SCD: variants seen among roughly 807,000 people sequenced by gnomAD.
SCD encodes acyl-CoA desaturase.
Under a neutral mutation model 35.7 loss-of-function variants are expected in SCD, and 4 were observed. The observed-to-expected ratio is 0.11, with a 90% CI of 0.06 to 0.26. SCD has a LOEUF of 0.26. Among genes scored for constraint, SCD ranks in the 10% least tolerant of loss-of-function variants. The pLI is 1.00. For synonymous variants in SCD, 150 were observed against 170.2 expected (o/e 0.88, Z 0.92); for missense variants, 282 against 460.7 (o/e 0.61, Z 3.55).
chr10:100,347,683 G>A, intron 1 of SCD, 152 bp downstream of exon 1: 1 of 854,730 alleles, frequency 1.2e-6, no homozygotes, highest in South Asian at 1.7e-5. Flanking sequence ...TGGGAATGTG[G>A]ATTGTAATTT....
Position 100,352,547 on chromosome 10 carries a change from C to A in SCD, c.441+51C>A. ...TTTGTCCTCCACACTATTAATGATCCGGGGACAGAAAGGAGGGATCAGCAC... is the reference window on the plus strand; with the variant it reads ...TTTGTCCTCCACACTATTAATGATCAGGGGACAGAAAGGAGGGATCAGCAC... On this transcript the variant is annotated intron_variant, in intron 3 of 5. Coordinates refer to ENST00000370355, the MANE Select transcript of SCD (RefSeq NM_005063.5). The surrounding 1 kb of genome is among the most constrained non-coding windows in gnomAD (Gnocchi z 4.2). 1 of 1,578,382 alleles carries A rather than the reference C, an allele frequency of 6.3e-7. No homozygotes were observed. Among genetic ancestry groups the A allele is most frequent in the Non-Finnish European group, 8.7e-7 (1 of 1,155,720 alleles).
At position 100,348,152 on chromosome 10, in the gene SCD, C is replaced by T; in HGVS notation, c.116C>T (p.Pro39Leu). ...QNGGDKLETM[P>L]LYLEDDIRPD... ...GGAGGAGATAAGTTGGAGACGATGCCCCTCTACTTGGAAGACGACATTCGC... is the reference window on the plus strand; with the variant it reads ...GGAGGAGATAAGTTGGAGACGATGCTCCTCTACTTGGAAGACGACATTCGC... Residue 39 changes from proline (P) to leucine (L), a missense_variant, in exon 2 of 6, where the codon CCC becomes CTC. This residue lies in a region of SCD where 77 missense variants were observed against 88.4 expected (regional missense o/e 0.87). Coordinates refer to ENST00000370355, the MANE Select transcript of SCD (RefSeq NM_005063.5). The T allele has an allele frequency of 6.2e-7, 1 of 1,613,798 alleles. No individual in the cohort carries two copies. The highest frequency in any genetic ancestry group is 8.5e-7 in the Non-Finnish European group (1 of 1,179,842).
At chr10:100,351,635 G>T (rs1849873598) in intron 2 of SCD, among the ~76,000 whole-genome samples, 1 of 152,058 alleles carries the variant, frequency 6.6e-6, no homozygotes, top group Non-Finnish European at 1.5e-5. Context: ...TGCCCAGATT[G>T]TACTGGCTGT....
Position 100,362,441 on chromosome 10 carries a change from G to T in SCD, c.*1508G>T, listed in dbSNP as rs1197968186. 1 of 152,162 alleles carries T rather than the reference G, an allele frequency of 6.6e-6. No individual in the cohort carries two copies. Among genetic ancestry groups the T allele is most frequent in the Admixed American group, 6.5e-5 (1 of 15,268 alleles). 9.4% of individuals were successfully genotyped at this position (152,162 alleles called of 1,614,324 possible). A position where few individuals can be genotyped will look rare whatever the true frequency, so the allele number is the denominator to read the frequency against. On this transcript the variant is annotated 3_prime_UTR_variant, in exon 6 of 6. Coordinates refer to ENST00000370355, the MANE Select transcript of SCD (RefSeq NM_005063.5). ...TAGCCTAAAGTATACAACTGCCTGG[G>T]GGGCAGGGTTAGGAATCTCTTCACT...
At chr10:100,347,631 G>C in intron 1 of SCD, 100 bp downstream of exon 1, 4 of 1,352,084 alleles carry the variant, frequency 3.0e-6, no homozygotes, top group Non-Finnish European at 4.1e-6. Flanking sequence ...GCTCCGCGGA[G>C]GACTTGGTCA....
At chr10:100,351,197 G>A (rs1849868508) in intron 2 of SCD, among the ~76,000 whole-genome samples, 1 of 152,186 alleles carries the variant, frequency 6.6e-6, no homozygotes, top group Admixed American at 6.5e-5. Flanking sequence ...AACAGAGGAA[G>A]ATATGGGGAC....
rs770789591 is a variant in SCD at position 100,360,869 on chromosome 10, T to C, written c.1016T>C (p.Val339Ala). The C allele has an allele frequency of 1.2e-6, 2 of 1,613,942 alleles. No homozygotes were observed. Among genetic ancestry groups the C allele is most frequent in the Non-Finnish European group, 1.7e-6 (2 of 1,179,852 alleles). Reference protein sequence around the residue: ...ALGLAYDRKKVSKAAILARIK... With the variant: ...ALGLAYDRKKASKAAILARIK... The stretch of plus-strand genomic sequence containing the variant: ...GGTCTGGCCTATGACCGGAAGAAAG[T>C]CTCCAAGGCCGCCATCTTGGCCAGG... The change falls in exon 6 of 6, where the codon GTC becomes GCC. Residue 339 changes from valine to alanine, a missense_variant. Val to Ala is a moderately conservative substitution (Grantham distance 64). This residue lies in a region of SCD where 205 missense variants were observed against 372.3 expected (regional missense o/e 0.55). Coordinates refer to ENST00000370355, the MANE Select transcript of SCD (RefSeq NM_005063.5).
At chr10:100,354,403 C>G in intron 3 of SCD, 24 bp from the exon 4 acceptor site, 1 of 1,602,750 alleles carries the variant, frequency 6.2e-7, no homozygotes, top group East Asian at 2.2e-5. Flanking sequence ...TCAAGCCTTA[C>G]ATTCCTCTTC....
In SCD at chr10:100,348,176, G is replaced by A. The variant is rs1445361968; in HGVS notation, c.140G>A (p.Arg47His). 6 of 1,613,838 alleles carry A rather than the reference G, an allele frequency of 3.7e-6. No individual in the cohort carries two copies. The highest frequency in any genetic ancestry group is 2.2e-5 in the South Asian group (2 of 91,068). Residue 47 changes from arginine to histidine, a missense_variant, in exon 2 of 6, where the codon CGC becomes CAC. Physicochemically the swap from Arg to His is conservative, Grantham distance 29. Coordinates refer to ENST00000370355, the MANE Select transcript of SCD (RefSeq NM_005063.5). Reference sequence around the variant, plus strand: ...CCCCTCTACTTGGAAGACGACATTCGCCCTGATATAAAAGATGATATATAT... The same window carrying A: ...CCCCTCTACTTGGAAGACGACATTCACCCTGATATAAAAGATGATATATAT... ...TMPLYLEDDI[R>H]PDIKDDIYDP...
At chr10:100,353,266 C>T (rs2133593728) in intron 3 of SCD, among the ~76,000 whole-genome samples, 1 of 152,040 alleles carries the variant, frequency 6.6e-6, no homozygotes, top group East Asian at 1.9e-4. Context: ...GCCATGGTGG[C>T]TAAGTAAAAC....
rs144793526 is a variant in SCD at position 100,356,540 on chromosome 10, A to C, written c.656A>C (p.Lys219Thr). ...CTGGTCTGTCAATGTAGGTACTACA[A>C]ACCTGGCTTGCTGATGATGTGCTTC... ...KLVMFQRRYY[K>T]PGLLMMCFIL... Residue 219 changes from lysine to threonine, a missense_variant, in exon 5 of 6, where the codon AAA becomes ACA. This residue lies in a region of SCD where 205 missense variants were observed against 372.3 expected (regional missense o/e 0.55). Transcript: ENST00000370355. This position sits in a 1 kb window ranked among gnomAD's most constrained non-coding sequence, Gnocchi z 4.1. 1 of 1,613,836 alleles carries C rather than the reference A, an allele frequency of 6.2e-7. No individual in the cohort carries two copies. Among genetic ancestry groups the C allele is most frequent in the Non-Finnish European group, 8.5e-7 (1 of 1,179,838 alleles).
chr10:100,358,455 A>G (rs12780455), intron 5 of SCD, among the ~76,000 whole-genome samples: 54,577 of 151,140 alleles, frequency 0.36, 11,120 homozygotes, highest in Admixed American at 0.49. Context: ...AGCCAGGCGC[A>G]GTGGCGGGCG....
intron 2 of SCD, 137 bp downstream of exon 2, chr10:100,348,483 C>T (rs1245683899): frequency 2.3e-6 from 2 of 854,432 alleles, no homozygotes; most frequent in African/African-American, 1.7e-5. Flanking sequence ...TCTTTGGTTG[C>T]TTCAGGCCTA....
intron 5 of SCD, among the ~76,000 whole-genome samples, chr10:100,357,342 C>T (rs1849938561): frequency 6.6e-6 from 1 of 152,176 alleles, no homozygotes; most frequent in Admixed American, 6.5e-5. Flanking sequence ...AGTATGCACA[C>T]AAAGTATTTT....
intron 5 of SCD, among the ~76,000 whole-genome samples, chr10:100,357,603 C>G (rs1849941383): frequency 1.3e-5 from 2 of 152,168 alleles, no homozygotes; most frequent in Non-Finnish European, 2.9e-5. Context: ...GCTCAATTCT[C>G]TAATGTTGAT....
intron 3 of SCD, among the ~76,000 whole-genome samples, chr10:100,353,312 A>G (rs943960297): frequency 7.9e-5 from 12 of 152,192 alleles, no homozygotes; most frequent in African/African-American, 2.2e-4. Flanking sequence ...AAACCTGGGC[A>G]CGGTGGCTCA....
At position 100,347,421 on chromosome 10, in the gene SCD, C is replaced by T. The variant is rs1417411922; in HGVS notation, c.-84C>T. 2.0e-6 allele frequency: 3 copies of T among 1,485,354 alleles called. No individual in the cohort carries two copies. The highest frequency in any genetic ancestry group is 2.8e-6 in the Non-Finnish European group (3 of 1,085,938). 92.0% of individuals were successfully genotyped at this position (1,485,354 alleles called of 1,614,324 possible). A position where few individuals can be genotyped will look rare whatever the true frequency, so the allele number is the denominator to read the frequency against. ...CGGCTCAGCGCGTACCGGCGGGCTTCGAAACCGCAGTCCTCCGGCGACCCC... is the reference window on the plus strand; with the variant it reads ...CGGCTCAGCGCGTACCGGCGGGCTTTGAAACCGCAGTCCTCCGGCGACCCC... On this transcript the variant is annotated 5_prime_UTR_variant, in exon 1 of 6. Coordinates refer to ENST00000370355, the MANE Select transcript of SCD (RefSeq NM_005063.5).
chr10:100,355,463 G>GGA (rs1252666873), intron 4 of SCD, among the ~76,000 whole-genome samples: 1 of 152,172 alleles, frequency 6.6e-6, no homozygotes, highest in Non-Finnish European at 1.5e-5. Flanking sequence ...AAGTAAGACT[G>GGA]GAGAGACTAA....
intron 5 of SCD, among the ~76,000 whole-genome samples, chr10:100,357,012 A>G (rs946418874): frequency 6.6e-6 from 1 of 152,204 alleles, no homozygotes; most frequent in Admixed American, 6.5e-5. Context: ...TTCTAAAACA[A>G]TTTCCAAATG....
Sources: allele counts gnomAD v4.1 joint callset (sites outside exome capture counted in the v4.1 genomes callset), GRCh38; gene constraint gnomAD v4.1.1; regional missense constraint gnomAD v4.1.1; non-coding constraint Gnocchi (gnomAD v3.1); transcripts MANE v1.5; gene names NCBI Gene and HGNC (gene_info 2026-07-23, HGNC 2026-07-21).